DAB1: variants seen among roughly 807,000 people sequenced by gnomAD.
DAB1 encodes the protein disabled homolog 1.
DAB1 carries 15 observed loss-of-function variants against 64.6 expected under a neutral mutation model. That is an observed-to-expected ratio of 0.23 (90% confidence interval 0.16 to 0.36). DAB1 has a LOEUF of 0.36. DAB1 is among the 10% of genes least tolerant of loss of function. DAB1 has a pLI of 1.00. For missense variants in DAB1, 596 were observed against 706.7 expected, an observed-to-expected ratio of 0.84 and a Z score of 1.78; for synonymous variants, 235 against 251.9, an observed-to-expected ratio of 0.93 and a Z score of 0.64.
chr1:58,515,270 T>C (rs1373143535), intron 2 of DAB1, among the ~76,000 whole-genome samples: 3 of 152,166 alleles, frequency 2.0e-5, no homozygotes, highest in African/African-American at 7.2e-5. Context: ...CATTTGCCAA[T>C]CCCTCACACC....
intron 2 of DAB1, among the ~76,000 whole-genome samples, chr1:57,288,104 T>C (rs1016189570): frequency 2.0e-5 from 3 of 152,208 alleles, no homozygotes; most frequent in Non-Finnish European, 4.4e-5. Context: ...CCCTTCTCTC[T>C]CATTTTAATA....
intron 9 of DAB1, among the ~76,000 whole-genome samples, chr1:57,052,137 G>A (rs1202163203): frequency 7.1e-6 from 1 of 140,120 alleles, no homozygotes; most frequent in South Asian, 2.7e-4. Flanking sequence ...GATTACTGGG[G>A]GCGGGGGGGC....
chr1:58,418,142 C>T (rs1644739385), intron 3 of DAB1, among the ~76,000 whole-genome samples: 1 of 152,184 alleles, frequency 6.6e-6, no homozygotes, highest in Non-Finnish European at 1.5e-5. Context: ...CTGCCCCTTC[C>T]CTATTCTCTC....
chr1:58,435,674 A>G (rs909277546), intron 3 of DAB1, among the ~76,000 whole-genome samples: 2 of 152,086 alleles, frequency 1.3e-5, no homozygotes, highest in African/African-American at 2.4e-5. Flanking sequence ...CCTCCCTGTC[A>G]GGCTTCTCCT....
intron 5 of DAB1, among the ~76,000 whole-genome samples, chr1:58,005,193 T>C (rs1465055571): frequency 6.6e-6 from 1 of 152,146 alleles, no homozygotes; most frequent in Non-Finnish European, 1.5e-5. Context: ...CATAAATCAT[T>C]TTCACACATT....
At chr1:57,051,966 G>A (rs1386065347) in intron 9 of DAB1, among the ~76,000 whole-genome samples, 1 of 152,176 alleles carries the variant, frequency 6.6e-6, no homozygotes, top group Non-Finnish European at 1.5e-5. Context: ...CATAAAGGCA[G>A]TAGGTTTTAG....
chr1:57,076,033 G>A (rs1651956339), intron 4 of DAB1, among the ~76,000 whole-genome samples: 1 of 152,138 alleles, frequency 6.6e-6, no homozygotes, highest in Non-Finnish European at 1.5e-5. Flanking sequence ...TGGCCACTGG[G>A]CTCTCAAAGA....
chr1:57,890,154 A>T (rs1390491362), intron 5 of DAB1, among the ~76,000 whole-genome samples: 1 of 152,076 alleles, frequency 6.6e-6, no homozygotes, highest in Non-Finnish European at 1.5e-5. Flanking sequence ...GGTTTGAGTG[A>T]TTGGAGTTAG....
At chr1:58,203,750 G>A (rs925556735) in intron 4 of DAB1, among the ~76,000 whole-genome samples, 1 of 152,146 alleles carries the variant, frequency 6.6e-6, no homozygotes, top group Non-Finnish European at 1.5e-5. Flanking sequence ...AAACTGCACT[G>A]CAATGATCTT....
At position 57,806,117 on chromosome 1, in the gene DAB1, C is replaced by T. The variant is rs1163730369; in HGVS notation, n.551+77882G>A. On this transcript the variant is annotated intron_variant and non_coding_transcript_variant, in intron 6 of 20. Coordinates refer to the DAB1 transcript ENST00000485760. ...TCTTCCTATAACCCATTCTGGGCCC[C>T]GTTATCTCTGTGAACTTGTCTCCAT... Among the ~76,000 whole-genome samples the T allele has an allele frequency of 5.3e-5, 8 of 152,316 alleles. No homozygotes were observed. In the East Asian group the frequency reaches 5.8e-4, roughly 11 times the overall value.
intron 5 of DAB1, among the ~76,000 whole-genome samples, chr1:58,102,047 G>A (rs1651352615): frequency 6.6e-6 from 1 of 152,230 alleles, no homozygotes. Context: ...TTTGACACAT[G>A]CTCTTCTGAG....
chr1:57,054,836 C>T (rs532727712), intron 9 of DAB1, among the ~76,000 whole-genome samples: 1 of 152,262 alleles, frequency 6.6e-6, no homozygotes, highest in African/African-American at 2.4e-5. Flanking sequence ...AAGAACATGT[C>T]CAGCATTATC....
At chr1:57,598,137 C>A (rs1382149250) in intron 7 of DAB1, among the ~76,000 whole-genome samples, 2 of 152,184 alleles carry the variant, frequency 1.3e-5, no homozygotes, top group African/African-American at 4.8e-5. Context: ...TGCCCGCCAC[C>A]ACGCCTGGCT....
At chr1:57,775,205 C>T (rs1167961330) in intron 6 of DAB1, among the ~76,000 whole-genome samples, 1 of 151,064 alleles carries the variant, frequency 6.6e-6, no homozygotes, top group Non-Finnish European at 1.5e-5. Context: ...TTGACCTTTT[C>T]CAAGAACCAA....
intron 4 of DAB1, among the ~76,000 whole-genome samples, chr1:58,297,866 A>G (rs1193658217): frequency 6.6e-6 from 1 of 152,168 alleles, no homozygotes; most frequent in Non-Finnish European, 1.5e-5. Flanking sequence ...GAAATCTTCA[A>G]CTGCATTTGG....
intron 2 of DAB1, among the ~76,000 whole-genome samples, chr1:57,230,292 T>G (rs1314067548): frequency 2.7e-5 from 4 of 146,034 alleles, no homozygotes. Flanking sequence ...AAATTTTCCC[T>G]GAAGATTACA....
intron 6 of DAB1, among the ~76,000 whole-genome samples, chr1:57,772,199 C>G (rs897683104): frequency 1.3e-5 from 2 of 152,104 alleles, no homozygotes; most frequent in Non-Finnish European, 2.9e-5. Context: ...CTCAACACCT[C>G]TCCTCCTGCC....
intron 3 of DAB1, among the ~76,000 whole-genome samples, chr1:57,144,065 T>TA (rs1485363718): frequency 9.2e-5 from 14 of 151,932 alleles, no homozygotes; most frequent in South Asian, 4.1e-4. Context: ...ATTATATATG[T>TA]AAAACCACAA....
chr1:58,538,953 T>C (rs186249254), intron 1 of DAB1: 1 of 872,914 alleles, frequency 1.1e-6, no homozygotes, highest in Non-Finnish European at 2.0e-6. Flanking sequence ...TAGGGACTGC[T>C]GTAACTTCTT....
Sources: gnomAD v4.1 joint callset for allele counts (sites outside exome capture counted in the v4.1 genomes callset) on GRCh38, gnomAD v4.1.1 for gene constraint, MANE v1.5 for transcripts, NCBI Gene and HGNC (gene_info 2026-07-23, HGNC 2026-07-21) for gene names.